The following ANO3 variants were observed in gnomAD, a reference collection of about 807,000 sequenced individuals.
The protein encoded by ANO3 is anoctamin 3.
A neutral mutation model predicts 144.8 loss-of-function variants in ANO3; 99 were observed. The ratio of observed to expected loss-of-function variants is 0.68; its 90% confidence interval spans 0.58 to 0.81. ANO3 has a LOEUF of 0.81. Among genes scored for constraint, ANO3 ranks in the 30% least tolerant of loss-of-function variants. The pLI is 0.00. For missense variants in ANO3, 905 were observed against 1,202.2 expected (o/e 0.75, Z 3.66); for synonymous variants, 414 against 392.6 (o/e 1.05, Z -0.64).
chr11:26,444,043 A>C (rs1403246405), intron 3 of ANO3, among the ~76,000 whole-genome samples: 1 of 152,210 alleles, frequency 6.6e-6, no homozygotes, highest in African/African-American at 2.4e-5. Context: ...GATGAGCAAC[A>C]GTCTCATAAT....
intron 1 of ANO3, among the ~76,000 whole-genome samples, chr11:26,256,832 C>T (rs1853068763): frequency 6.6e-6 from 1 of 151,854 alleles, no homozygotes. Flanking sequence ...ATAAATGGTT[C>T]ACAGTTTGGA....
At chr11:26,639,060 T>C in intron 20 of ANO3, 84 bp from the exon 21 acceptor site, 3 of 909,528 alleles carry the variant, frequency 3.3e-6, no homozygotes. Context: ...AGCTTTAAAA[T>C]TTGCTGTACA....
At chr11:26,326,223 C>A (rs1176839819) in intron 1 of ANO3, among the ~76,000 whole-genome samples, 1 of 152,024 alleles carries the variant, frequency 6.6e-6, no homozygotes, top group African/African-American at 2.4e-5. Flanking sequence ...AACTTACTGT[C>A]CAAACCAGCA....
At chr11:26,642,129 C>A in intron 22 of ANO3, 100 bp downstream of exon 22, 2 of 1,360,218 alleles carry the variant, frequency 1.5e-6, no homozygotes, top group Non-Finnish European at 2.0e-6. Context: ...TCTTTCCTTT[C>A]CAACCCCAAG....
Position 26,612,231 on chromosome 11 carries a change from T to C in ANO3, c.1837-12231T>C, listed in dbSNP as rs557739890. On this transcript the variant is annotated intron_variant, in intron 17 of 26. Transcript: ENST00000256737. The stretch of plus-strand genomic sequence containing the variant: ...TCTGTGGGTTGATGGTTTTCTGTGG[T>C]GCTATGCTTTGTTTTCTTACTCTTG... Among the ~76,000 whole-genome samples the C allele has an allele frequency of 3.9e-5, 6 of 152,212 alleles. No individual in the cohort carries two copies. In the East Asian group the frequency reaches 1.2e-3, roughly 29 times the overall value.
chr11:26,201,619 TAATA>T (rs1038201572), intron 1 of ANO3, among the ~76,000 whole-genome samples: 4 of 152,050 alleles, frequency 2.6e-5, no homozygotes, highest in African/African-American at 9.7e-5. Context: ...CTTTGTGACT[TAATA>T]AATAACAAGT....
chr11:26,243,158 A>T (rs192476229), intron 1 of ANO3, among the ~76,000 whole-genome samples: 12 of 152,262 alleles, frequency 7.9e-5, no homozygotes, highest in Non-Finnish European at 1.5e-5. Flanking sequence ...GGCCAGTGAA[A>T]TCTCTAAGCT....
chr11:26,566,405 G>A (rs1290424960), intron 14 of ANO3, among the ~76,000 whole-genome samples: 1 of 151,718 alleles, frequency 6.6e-6, no homozygotes, highest in Non-Finnish European at 1.5e-5. Context: ...CCATATATTA[G>A]ATTTTTTTAA....
intron 1 of ANO3, among the ~76,000 whole-genome samples, chr11:26,339,602 T>C (rs1461688605): frequency 6.6e-6 from 1 of 152,216 alleles, no homozygotes; most frequent in East Asian, 1.9e-4. Context: ...TTCCTTGCTC[T>C]ACACCTTTTC....
intron 1 of ANO3, among the ~76,000 whole-genome samples, chr11:26,333,620 A>G (rs748240697): frequency 5.8e-4 from 89 of 152,214 alleles, no homozygotes; most frequent in Admixed American, 1.3e-3. Flanking sequence ...AACTAGATTA[A>G]CACACAAGAA....
chr11:26,449,195 G>A (rs1858822142), intron 3 of ANO3, among the ~76,000 whole-genome samples: 1 of 152,036 alleles, frequency 6.6e-6, no homozygotes, highest in African/African-American at 2.4e-5. Context: ...TTATCCTAGG[G>A]CTCTACACTG....
intron 3 of ANO3, among the ~76,000 whole-genome samples, chr11:26,452,589 C>T (rs1306468621): frequency 3.9e-5 from 6 of 151,986 alleles, no homozygotes; most frequent in Non-Finnish European, 8.8e-5. Flanking sequence ...GTGAAAAGAC[C>T]AAATCTACAT....
chr11:26,537,345 G>A, intron 9 of ANO3, 61 bp from the exon 10 acceptor site: 1 of 1,308,812 alleles, frequency 7.6e-7, no homozygotes. Context: ...TATTTCTGTT[G>A]CTTCAGAGGA....
intron 1 of ANO3, among the ~76,000 whole-genome samples, chr11:26,290,086 G>C (rs1052994127): frequency 3.3e-5 from 5 of 152,026 alleles, no homozygotes; most frequent in Non-Finnish European, 4.4e-5. Flanking sequence ...CCCAATTTCA[G>C]AGCCTGTTAT....
At chr11:26,607,114 A>T (rs1851958006) in intron 17 of ANO3, among the ~76,000 whole-genome samples, 1 of 151,834 alleles carries the variant, frequency 6.6e-6, no homozygotes, top group Admixed American at 6.6e-5. Context: ...TATTGGCCCC[A>T]CTCTCTTCTG....
intron 3 of ANO3, among the ~76,000 whole-genome samples, chr11:26,446,033 T>C (rs1031208377): frequency 6.6e-6 from 1 of 152,102 alleles, no homozygotes; most frequent in African/African-American, 2.4e-5. Flanking sequence ...GGTTTCACCA[T>C]GTTGGCCAGG....
chr11:26,407,676 G>A (rs7941142), intron 1 of ANO3, among the ~76,000 whole-genome samples: 148,603 of 151,846 alleles, frequency 0.98, 72,791 homozygotes, highest in Middle Eastern at 1. Flanking sequence ...CCTTAAATAC[G>A]AATTAAACCA....
rs1305884426 is a variant in ANO3, at chr11:26,483,783, G to A, written c.432+20635G>A. On this transcript the variant is annotated intron_variant, in intron 4 of 26. Transcript: ENST00000256737. ...GTAGAAGCAACTTTGGGGTTAATGG[G>A]CAGAGGTTGGAAGAGTGTGGAGGGC... 3.9e-5 allele frequency among the ~76,000 whole-genome samples: 6 copies of A among 152,170 alleles called. No homozygotes were observed. In the South Asian group the frequency reaches 8.3e-4, roughly 21 times the overall value.
At chr11:26,321,484 C>T (rs1411505468) in intron 1 of ANO3, among the ~76,000 whole-genome samples, 1 of 151,954 alleles carries the variant, frequency 6.6e-6, no homozygotes, top group Non-Finnish European at 1.5e-5. Context: ...ATATTTTACT[C>T]ATAAATCTTG....
Sources: allele counts gnomAD v4.1 joint callset (sites outside exome capture counted in the v4.1 genomes callset), GRCh38; gene constraint gnomAD v4.1.1; transcripts MANE v1.5; gene names NCBI Gene and HGNC (gene_info 2026-07-23, HGNC 2026-07-21).